KLHL2: variants seen among roughly 807,000 people sequenced by gnomAD.
The protein encoded by KLHL2 is kelch like family member 2.
Under a neutral mutation model 75.8 loss-of-function variants are expected in KLHL2, and 15 were observed. The ratio of observed to expected loss-of-function variants is 0.20; its 90% CI spans 0.13 to 0.30. KLHL2 has a LOEUF of 0.30. KLHL2 is among the 10% of genes least tolerant of loss of function. The pLI is 1.00. For synonymous variants in KLHL2, 214 were observed against 251.9 expected, an observed-to-expected ratio of 0.85 and a Z score of 1.42; for missense variants, 381 against 741.0, an observed-to-expected ratio of 0.51 and a Z score of 5.64.
At chr4:165,311,135 CAT>C (rs1384539679) in intron 10 of KLHL2, among the ~76,000 whole-genome samples, 4 of 152,004 alleles carry the variant, frequency 2.6e-5, no homozygotes, top group Non-Finnish European at 5.9e-5. Flanking sequence ...GGGATTACAA[CAT>C]GTGAGGTTTT....
chr4:165,221,410 G>A lies in KLHL2; in HGVS notation c.152+1351G>A, dbSNP rs2110992088. On this transcript the variant is annotated intron_variant, in intron 2 of 14. Coordinates refer to ENST00000226725, the MANE Select transcript of KLHL2 (RefSeq NM_007246.4). ...AAAGTCAGGATGGGAGTGAGGAGAG[G>A]GAGAACAGTGTTCCAGGCATTGGGA... Among the ~76,000 whole-genome samples the A allele has an allele frequency of 2.0e-5, 3 of 152,304 alleles. 1 individual carries two copies. In the East Asian group the frequency reaches 5.8e-4, roughly 29 times the overall value.
At chr4:165,307,284 G>C (rs905130216) in intron 9 of KLHL2, among the ~76,000 whole-genome samples, 22 of 152,168 alleles carry the variant, frequency 1.4e-4, no homozygotes, top group African/African-American at 5.3e-4. Flanking sequence ...CTCCAGCCTA[G>C]GCAATAGAGT....
intron 4 of KLHL2, among the ~76,000 whole-genome samples, chr4:165,248,904 T>C (rs1740471706): frequency 6.6e-6 from 1 of 152,226 alleles, no homozygotes; most frequent in African/African-American, 2.4e-5. Flanking sequence ...TTATTGTTTA[T>C]GCATAAATAC....
At chr4:165,294,553 C>A in intron 6 of KLHL2, 85 bp downstream of exon 6, 2 of 681,518 alleles carry the variant, frequency 2.9e-6, no homozygotes, top group Non-Finnish European at 5.0e-6. Context: ...GCTTTGTGAT[C>A]CTGTATGTGT....
At chr4:165,268,744 A>G (rs1396189851) in intron 5 of KLHL2, among the ~76,000 whole-genome samples, 5 of 152,074 alleles carry the variant, frequency 3.3e-5, no homozygotes, top group Admixed American at 6.5e-5. Flanking sequence ...TATGTGGTCA[A>G]TTTTAGAATA....
chr4:165,313,149 TATATTA>T, intron 11 of KLHL2, 83 bp from the exon 12 acceptor site: 2 of 1,349,766 alleles, frequency 1.5e-6, no homozygotes, highest in Non-Finnish European at 2.0e-6. Context: ...TGAAGGAAAA[TATATTA>T]ATATTTTCTG....
At chr4:165,213,430 C>T (rs1737334553) in intron 1 of KLHL2, among the ~76,000 whole-genome samples, 1 of 152,218 alleles carries the variant, frequency 6.6e-6, no homozygotes, top group Non-Finnish European at 1.5e-5. Context: ...TGTCCACAAG[C>T]CAGGATTCTC....
intron 11 of KLHL2, among the ~76,000 whole-genome samples, chr4:165,312,236 T>C (rs1481132411): frequency 2.6e-5 from 4 of 152,234 alleles, no homozygotes; most frequent in African/African-American, 9.6e-5. Context: ...GGCCTGCGGT[T>C]TGGGGACTGC....
intron 5 of KLHL2, among the ~76,000 whole-genome samples, chr4:165,264,585 CATATATAT>C (rs55960426): frequency 7.7e-6 from 1 of 129,400 alleles, no homozygotes; most frequent in Non-Finnish European, 1.6e-5. Context: ...AGTATTCCAT[CATATATAT>C]ATATATATAT....
At chr4:165,291,737 C>T (rs2126478759) in intron 5 of KLHL2, among the ~76,000 whole-genome samples, 2 of 152,292 alleles carry the variant, frequency 1.3e-5, no homozygotes, top group Middle Eastern at 3.4e-3. Context: ...GGACCCCCAA[C>T]AGGTACCAAA....
Position 165,314,184 on chromosome 4 carries a change from G to T in KLHL2, c.1609+18G>T, listed in dbSNP as rs980545860. 1 of 1,600,080 alleles carries T rather than the reference G, an allele frequency of 6.2e-7. No individual in the cohort carries two copies. Among genetic ancestry groups the T allele is most frequent in the Non-Finnish European group, 8.5e-7 (1 of 1,172,928 alleles). ...AAATGCAGGTATCTGTCAGTTTAAGGTTATAAAACTTATGTTGAATTTTAT... is the reference window on the plus strand; with the variant it reads ...AAATGCAGGTATCTGTCAGTTTAAGTTTATAAAACTTATGTTGAATTTTAT... On this transcript the variant is annotated intron_variant, in intron 13 of 14. Transcript: ENST00000226725.
chr4:165,258,197 A>G (rs1741338861), intron 4 of KLHL2, among the ~76,000 whole-genome samples: 1 of 152,178 alleles, frequency 6.6e-6, no homozygotes, highest in Non-Finnish European at 1.5e-5. Flanking sequence ...ATGGAATTTA[A>G]TCACTCTTAG....
Position 165,322,259 on chromosome 4 carries a change from G to C in KLHL2, c.*199G>C. On this transcript the variant is annotated 3_prime_UTR_variant, in exon 15 of 15. Transcript: ENST00000226725. ...GCACCGTGTAGGCTTTTTCTGCAATGAGCAGCAGCTGACTGAATTTTCATA... is the reference window on the plus strand; with the variant it reads ...GCACCGTGTAGGCTTTTTCTGCAATCAGCAGCAGCTGACTGAATTTTCATA... 1 of 557,818 alleles carries C rather than the reference G, an allele frequency of 1.8e-6. No individual in the cohort carries two copies. The highest frequency in any genetic ancestry group is 2.9e-5 in the East Asian group (1 of 34,122). 34.6% of individuals were successfully genotyped at this position (557,818 alleles called of 1,614,324 possible).
rs140860521 is a variant in KLHL2, at chr4:165,279,806, T to G, written c.545-14553T>G. ...GGCTAGCAGGCTACTGCGTTCTCTC[T>G]GCAGCTCATTTTCTGTCTTGGCCTC... On this transcript the variant is annotated intron_variant, in intron 5 of 14. Coordinates refer to ENST00000226725, the MANE Select transcript of KLHL2 (RefSeq NM_007246.4). The G allele has an allele frequency of 4.6e-4, 320 of 693,660 alleles. No individual in the cohort carries two copies. In the African/African-American group the frequency reaches 5.2e-3, roughly 11 times the overall value. The allele number at this position is 693,660 out of a possible 1,614,324, so 43.0% of individuals were successfully genotyped here.
intron 11 of KLHL2, 25 bp from the exon 12 acceptor site, chr4:165,313,213 G>T (rs2126574240): frequency 6.3e-7 from 1 of 1,589,842 alleles, no homozygotes; most frequent in East Asian, 2.3e-5. Context: ...AATAAATTTG[G>T]CTTTCTATGT....
chr4:165,301,686 A>G (rs1448360033), intron 8 of KLHL2, among the ~76,000 whole-genome samples: 2 of 152,182 alleles, frequency 1.3e-5, no homozygotes, highest in African/African-American at 4.8e-5. Context: ...TAAGGTTGCC[A>G]TTTATTTTAT....
At chr4:165,246,021 A>C (rs886194196) in intron 4 of KLHL2, among the ~76,000 whole-genome samples, 1 of 152,118 alleles carries the variant, frequency 6.6e-6, no homozygotes, top group Admixed American at 6.5e-5. Flanking sequence ...AAGGCTTTAC[A>C]TTGTAGAGGA....
chr4:165,297,749 G>A (rs1263338296), intron 7 of KLHL2, 24 bp downstream of exon 7: 1 of 1,335,578 alleles, frequency 7.5e-7, no homozygotes, highest in Middle Eastern at 1.8e-4. Context: ...CAAAACATAT[G>A]AATCCACACA....
In KLHL2 at chr4:165,239,883, A is replaced by G. The variant is rs545974090; in HGVS notation, c.381+984A>G. Among the ~76,000 whole-genome samples, 29 of 151,844 alleles carry G rather than the reference A, an allele frequency of 1.9e-4. No homozygotes were observed. In the South Asian group the frequency reaches 5.8e-3, roughly 30 times the overall value. ...ACAAACGTACACACAATTTTTTTAC[A>G]TAAGAAATACTATACTTGTTCTGAA... On this transcript the variant is annotated intron_variant, in intron 4 of 14. Coordinates refer to ENST00000226725, the MANE Select transcript of KLHL2 (RefSeq NM_007246.4).
Sources: allele counts gnomAD v4.1 joint callset (sites outside exome capture counted in the v4.1 genomes callset), GRCh38; gene constraint gnomAD v4.1.1; transcripts MANE v1.5; gene names NCBI Gene and HGNC (gene_info 2026-07-23, HGNC 2026-07-21).